ABCD3: variants seen among roughly 807,000 people sequenced by gnomAD.
ABCD3 encodes ATP-binding cassette sub-family D member 3.
A neutral mutation model predicts 105.5 loss-of-function variants in ABCD3; 41 were observed. The observed-to-expected ratio is 0.39, with a 90% CI of 0.30 to 0.50. The LOEUF (loss-of-function observed/expected upper bound fraction) is 0.50. Ranked by LOEUF, ABCD3 falls within the 20% of genes least tolerant of loss-of-function variation. The probability of loss-of-function intolerance (pLI) is 0.84; values close to 1 mark genes in which losing one functional copy is unlikely to be tolerated. For missense variants in ABCD3, 622 were observed against 806.3 expected (o/e 0.77, Z 2.77); for synonymous variants, 258 against 269.0 (o/e 0.96, Z 0.40).
At chr1:94,436,460 T>G (rs1263027729) in intron 1 of ABCD3, among the ~76,000 whole-genome samples, 1 of 152,224 alleles carries the variant, frequency 6.6e-6, no homozygotes, top group African/African-American at 2.4e-5. Flanking sequence ...TCACATAGGC[T>G]CTTTCCATTC....
chr1:94,474,238 G>A (rs1448278812), intron 5 of ABCD3, among the ~76,000 whole-genome samples: 1 of 149,758 alleles, frequency 6.7e-6, no homozygotes, highest in Non-Finnish European at 1.5e-5. Flanking sequence ...GGGGCAACTT[G>A]GGGAGTTGGG....
chr1:94,468,129 A>C, intron 4 of ABCD3, 122 bp downstream of exon 4: 1 of 783,832 alleles, frequency 1.3e-6, no homozygotes, highest in Non-Finnish European at 2.2e-6. Context: ...AAGTCAAATT[A>C]TGTGTTTGTT....
chr1:94,413,903 TA>T (rs575751108), upstream of ABCD3, among the ~76,000 whole-genome samples: 74 of 152,074 alleles, frequency 4.9e-4, no homozygotes, highest in Non-Finnish European at 7.9e-4. Flanking sequence ...GTGAAGGGGT[TA>T]GGGGGGACTG....
chr1:94,478,190 A>T lies in ABCD3; in HGVS notation c.628-69A>T, dbSNP rs1247930906. 4.3e-6 allele frequency: 4 copies of T among 935,024 alleles called. No individual in the cohort carries two copies. In the East Asian group the frequency reaches 9.8e-5, roughly 23 times the overall value. The allele number at this position is 935,024 out of a possible 1,614,324, so 57.9% of individuals were successfully genotyped here. A position where few individuals can be genotyped will look rare whatever the true frequency, so the allele number is the denominator to read the frequency against. Reference sequence around the variant, plus strand: ...AATGTTTAATGACATTTTATAGTTAACATGTTGTATTAGCTATCATTCTAG... The same window carrying T: ...AATGTTTAATGACATTTTATAGTTATCATGTTGTATTAGCTATCATTCTAG... On this transcript the variant is annotated intron_variant, in intron 7 of 22. Coordinates refer to ENST00000370214, the MANE Select transcript of ABCD3 (RefSeq NM_002858.4).
intron 9 of ABCD3, chr1:94,482,224 G>A (rs1389022678): frequency 6.6e-6 from 1 of 152,184 alleles, no homozygotes; most frequent in Non-Finnish European, 1.5e-5. Flanking sequence ...TGACAAATGT[G>A]TCATATCTTA....
intron 5 of ABCD3, among the ~76,000 whole-genome samples, chr1:94,474,707 G>A (rs1648647934): frequency 6.7e-6 from 1 of 149,028 alleles, no homozygotes; most frequent in Non-Finnish European, 1.5e-5. Flanking sequence ...AGCATTAGTT[G>A]GTGTAAAACC....
intron 4 of ABCD3, among the ~76,000 whole-genome samples, chr1:94,470,582 T>G (rs1457105854): frequency 2.6e-5 from 4 of 152,100 alleles, no homozygotes; most frequent in Admixed American, 1.3e-4. Context: ...TTTTTTTTTT[T>G]GTTCATTGTG....
At chr1:94,447,482 A>G (rs1054279501) in intron 1 of ABCD3, among the ~76,000 whole-genome samples, 4 of 152,216 alleles carry the variant, frequency 2.6e-5, no homozygotes, top group African/African-American at 9.7e-5. Context: ...TTGCATTTAC[A>G]ATTCCTGCAG....
chr1:94,385,629 G>A, the ABCD3 span, among the ~76,000 whole-genome samples: 1 of 152,174 alleles, frequency 6.6e-6, no homozygotes, highest in African/African-American at 2.4e-5. Flanking sequence ...AAACACAGAT[G>A]AGTTCCATTT....
chr1:94,439,235 ATTG>A (rs953674114), intron 1 of ABCD3, among the ~76,000 whole-genome samples: 1 of 152,008 alleles, frequency 6.6e-6, no homozygotes, highest in African/African-American at 2.4e-5. Flanking sequence ...ATGTTACTCT[ATTG>A]TTTTCTGACA....
intron 1 of ABCD3, 21 bp downstream of exon 1, chr1:94,418,609 G>T: frequency 6.3e-7 from 1 of 1,577,492 alleles, no homozygotes; most frequent in Non-Finnish European, 8.6e-7. Flanking sequence ...CCGTAGCCGT[G>T]CAGCTTTCCC....
upstream of ABCD3, among the ~76,000 whole-genome samples, chr1:94,417,033 C>T (rs1377664176): frequency 6.6e-6 from 1 of 152,240 alleles, no homozygotes; most frequent in African/African-American, 2.4e-5. Flanking sequence ...TCTGAACGCT[C>T]CCATGTATAC....
chr1:94,517,643 G>A lies in ABCD3; in HGVS notation c.*514G>A, dbSNP rs1650981345. ...ATTGCATAACAGCGTTTATTATACA[G>A]TGGCAGATTTCTTTAGCTGCCACAG... On this transcript the variant is annotated 3_prime_UTR_variant, in exon 23 of 23. Transcript: ENST00000370214. 6.1e-6 allele frequency: 1 copy of A among 163,088 alleles called. No individual in the cohort carries two copies. Among genetic ancestry groups the A allele is most frequent in the Non-Finnish European group, 1.3e-5 (1 of 74,438 alleles). 10.1% of individuals were successfully genotyped at this position (163,088 alleles called of 1,614,324 possible).
chr1:94,406,350 T>G, the ABCD3 span: 421 of 221,732 alleles, frequency 1.9e-3, 6 homozygotes, highest in African/African-American at 9.2e-3. Flanking sequence ...GTTTTTTTTT[T>G]TTTTTTTACA....
At chr1:94,409,629 TAA>T in the ABCD3 span, among the ~76,000 whole-genome samples, 9 of 152,186 alleles carry the variant, frequency 5.9e-5, no homozygotes, top group African/African-American at 2.2e-4. Flanking sequence ...ACAGCAATAA[TAA>T]AGACTCCATT....
At chr1:94,445,728 C>G (rs1410688748) in intron 1 of ABCD3, among the ~76,000 whole-genome samples, 2 of 152,074 alleles carry the variant, frequency 1.3e-5, no homozygotes, top group Admixed American at 6.5e-5. Flanking sequence ...AAAACAGGGA[C>G]CAAAAGAACT....
chr1:94,488,496 A>T (rs181539032), intron 13 of ABCD3, among the ~76,000 whole-genome samples: 1 of 152,126 alleles, frequency 6.6e-6, no homozygotes, highest in Non-Finnish European at 1.5e-5. Context: ...GAATGAAATT[A>T]AATATTAAGA....
chr1:94,428,930 A>G (rs1398675682), intron 1 of ABCD3, among the ~76,000 whole-genome samples: 2 of 152,180 alleles, frequency 1.3e-5, no homozygotes, highest in African/African-American at 4.8e-5. Flanking sequence ...AACAATTTGG[A>G]TGGCTCAGAA....
intron 1 of ABCD3, among the ~76,000 whole-genome samples, chr1:94,423,035 ACT>A (rs1198794956): frequency 6.6e-6 from 1 of 152,032 alleles, no homozygotes; most frequent in Non-Finnish European, 1.5e-5. Flanking sequence ...GCCAATGGGT[ACT>A]CTCTGTTCCA....
Sources: gnomAD v4.1 joint callset for allele counts (sites outside exome capture counted in the v4.1 genomes callset) on GRCh38, gnomAD v4.1.1 for gene constraint, MANE v1.5 for transcripts, NCBI Gene and HGNC (gene_info 2026-07-23, HGNC 2026-07-21) for gene names.